Variants in SYT11 observed in about 807,000 individuals in gnomAD.
SYT11 encodes the protein synaptotagmin 11.
In SYT11, 12 loss-of-function variants were observed where a neutral mutation model predicts 30.4. The observed-to-expected ratio is 0.39, with a 90% CI of 0.25 to 0.64. SYT11 has a LOEUF of 0.64. Among genes scored for constraint, SYT11 ranks in the 30% least tolerant of loss-of-function variants. SYT11 has a pLI of 0.45. For synonymous variants in SYT11, 204 were observed against 216.0 expected (o/e 0.94, Z 0.49); for missense variants, 412 against 552.0 (o/e 0.75, Z 2.54).
At chr1:155,880,367 A>G in intron 2 of SYT11, 133 bp from the exon 3 acceptor site, 2 of 957,152 alleles carry the variant, frequency 2.1e-6, no homozygotes, top group Non-Finnish European at 3.0e-6. Context: ...TTTCCAGGGG[A>G]TGAGCATCTT....
rs1672991855 is a variant in SYT11 at position 155,882,233 on chromosome 1, T to C, written c.*725T>C. 1.3e-5 allele frequency: 2 copies of C among 152,436 alleles called. No homozygotes were observed. Among genetic ancestry groups the C allele is most frequent in the South Asian group, 4.1e-4 (2 of 4,828 alleles). The allele number at this position is 152,436 out of a possible 1,614,324, so 9.4% of individuals were successfully genotyped here. On this transcript the variant is annotated 3_prime_UTR_variant, in exon 4 of 4. Transcript: ENST00000368324. ...ATTGTATTTGCTGATTACCTGAAAT[T>C]GGCTTCTTTTTATTGGGCTTCTCTG...
intron 3 of SYT11, 108 bp from the exon 4 acceptor site, chr1:155,881,090 G>T: frequency 8.4e-7 from 1 of 1,196,362 alleles, no homozygotes; most frequent in South Asian, 1.5e-5. Flanking sequence ...GGCCATCAAA[G>T]ATACGAACAA....
intron 1 of SYT11, 95 bp from the exon 2 acceptor site, chr1:155,867,870 G>A: frequency 1.0e-6 from 1 of 971,170 alleles, no homozygotes; most frequent in African/African-American, 1.6e-5. Flanking sequence ...CTAGATTGAA[G>A]ATTAGCTTGG....
chr1:155,862,159 A>C (rs1308019150), intron 1 of SYT11, among the ~76,000 whole-genome samples: 1 of 152,196 alleles, frequency 6.6e-6, no homozygotes, highest in Non-Finnish European at 1.5e-5. Context: ...CATCTCATAG[A>C]GTACTTCATT....
chr1:155,864,383 AT>A (rs1672636320), intron 1 of SYT11, among the ~76,000 whole-genome samples: 1 of 152,244 alleles, frequency 6.6e-6, no homozygotes, highest in African/African-American at 2.4e-5. Context: ...TGCAGATGAA[AT>A]TATACCTGCC....
intron 2 of SYT11, among the ~76,000 whole-genome samples, chr1:155,869,341 G>A (rs1166901860): frequency 7.9e-6 from 1 of 125,900 alleles, no homozygotes; most frequent in Admixed American, 1.1e-4. Context: ...CGCAATCTCA[G>A]CTCATTGCAA....
chr1:155,868,246 C>G lies in SYT11; in HGVS notation c.316C>G (p.Arg106Gly). ...CGCAGCAGAGGCTGGCCTGCTAAGC[C>G]GAGACAAAGATCCCAGGGGGCCTAG... Reference protein sequence around the residue: ...VDAAEAGLLSRDKDPRGPSSG... With the variant: ...VDAAEAGLLSGDKDPRGPSSG... Residue 106 changes from arginine (R) to glycine (G), a missense_variant, in exon 2 of 4, where the codon CGA becomes GGA. Physicochemically the swap from Arg to Gly is moderately radical, Grantham distance 125. Transcript: ENST00000368324. The surrounding 1 kb of genome is among the most constrained non-coding windows in gnomAD (Gnocchi z 4.7). 6.2e-7 allele frequency: 1 copy of G among 1,613,972 alleles called. No individual in the cohort carries two copies. Among genetic ancestry groups the G allele is most frequent in the Non-Finnish European group, 8.5e-7 (1 of 1,179,990 alleles).
rs1672551887 is a variant in SYT11, at chr1:155,860,660, G to A, written c.34+865G>A. On this transcript the variant is annotated intron_variant, in intron 1 of 3. Transcript: ENST00000368324. This position sits in a 1 kb window ranked among gnomAD's most constrained non-coding sequence, Gnocchi z 4.1. The stretch of plus-strand genomic sequence containing the variant: ...CCCGGGGGAGGCCGCTTTGTGTACC[G>A]CAGAAAGCATTACGTCATTTCAGAG... 6.6e-6 allele frequency among the ~76,000 whole-genome samples: 1 copy of A among 152,204 alleles called. No individual in the cohort carries two copies. Among genetic ancestry groups the A allele is most frequent in the Admixed American group, 6.5e-5 (1 of 15,284 alleles).
chr1:155,865,568 C>T (rs941181819), intron 1 of SYT11, among the ~76,000 whole-genome samples: 4 of 149,778 alleles, frequency 2.7e-5, no homozygotes, highest in African/African-American at 7.4e-5. Flanking sequence ...GCGGAGGTTG[C>T]GGTGAGCCGT....
rs1355633081 is a variant in SYT11, at chr1:155,881,291, A to G, written c.1079A>G (p.Asn360Ser). The change falls in exon 4 of 4, where the codon AAT becomes AGT. Residue 360 changes from asparagine to serine, a missense_variant. Transcript: ENST00000368324. ...AAGTGCACTTTGAACCCCATCTTCA[A>G]TGAATCTTTCATCTACGACATCCCC... ...VKKCTLNPIFNESFIYDIPTD... is the reference protein window; with the variant it reads ...VKKCTLNPIFSESFIYDIPTD... 1 of 1,614,200 alleles carries G rather than the reference A, an allele frequency of 6.2e-7. No individual in the cohort carries two copies. Among genetic ancestry groups the G allele is most frequent in the Admixed American group, 1.7e-5 (1 of 60,016 alleles).
chr1:155,868,647 C>T lies in SYT11; in HGVS notation c.717C>T (p.Asp239=). 6.2e-7 allele frequency: 1 copy of T among 1,614,214 alleles called. No homozygotes were observed. Reference sequence around the variant, plus strand: ...GCATCCCCTACAGCCAGCTGCAGGACCTGGTGCTGCACTTCCTTGTCCTCA... The same window carrying T: ...GCATCCCCTACAGCCAGCTGCAGGATCTGGTGCTGCACTTCCTTGTCCTCA... The part of the protein sequence containing the change: ...FYGIPYSQLQ[D]LVLHFLVLSF... The change falls in exon 2 of 4, where the codon GAC becomes GAT. Residue 239 remains aspartate, a synonymous_variant. Coordinates refer to ENST00000368324, the MANE Select transcript of SYT11 (RefSeq NM_152280.5). The surrounding 1 kb of genome is among the most constrained non-coding windows in gnomAD (Gnocchi z 4.7).
chr1:155,868,855 A>T lies in SYT11; in HGVS notation c.861+64A>T. 1 of 1,486,134 alleles carries T rather than the reference A, an allele frequency of 6.7e-7. No individual in the cohort carries two copies. 92.1% of individuals were successfully genotyped at this position (1,486,134 alleles called of 1,614,324 possible). ...GGGGGAGAAAATATCTCAGGGGATAAATGGAAGTGGGAGGGGAGTGGGTTG... is the reference window on the plus strand; with the variant it reads ...GGGGGAGAAAATATCTCAGGGGATATATGGAAGTGGGAGGGGAGTGGGTTG... On this transcript the variant is annotated intron_variant, in intron 2 of 3. Transcript: ENST00000368324. The surrounding 1 kb of genome is among the most constrained non-coding windows in gnomAD (Gnocchi z 4.7).
intron 2 of SYT11, among the ~76,000 whole-genome samples, chr1:155,872,551 G>C (rs1356483700): frequency 6.6e-6 from 1 of 152,144 alleles, no homozygotes; most frequent in African/African-American, 2.4e-5. Flanking sequence ...TCAGAGAGCC[G>C]AGCCCCGCAG....
At position 155,866,793 on chromosome 1, in the gene SYT11, A is replaced by G. The variant is rs1571973370; in HGVS notation, c.35-1172A>G. Reference sequence around the variant, plus strand: ...TTTGAGCAGAGATCTGACATTTTCCACTAATAGGGAAGAAAACCCCTATTT... The same window carrying G: ...TTTGAGCAGAGATCTGACATTTTCCGCTAATAGGGAAGAAAACCCCTATTT... On this transcript the variant is annotated intron_variant, in intron 1 of 3. Transcript: ENST00000368324. Among the ~76,000 whole-genome samples the G allele has an allele frequency of 1.3e-5, 2 of 152,136 alleles. 1 individual carries two copies. The highest frequency in any genetic ancestry group is 4.1e-4 in the South Asian group (2 of 4,822).
chr1:155,871,535 T>C (rs1672781125), intron 2 of SYT11, among the ~76,000 whole-genome samples: 1 of 152,226 alleles, frequency 6.6e-6, no homozygotes, highest in South Asian at 2.1e-4. Flanking sequence ...TGAAAGGGAC[T>C]GATTTGGGCT....
At chr1:155,874,337 C>T (rs546645663) in intron 2 of SYT11, among the ~76,000 whole-genome samples, 1 of 152,192 alleles carries the variant, frequency 6.6e-6, no homozygotes, top group African/African-American at 2.4e-5. Context: ...TGGTGGCTCA[C>T]ACCTGTATTC....
chr1:155,870,160 A>G (rs1397826344), intron 2 of SYT11, among the ~76,000 whole-genome samples: 1 of 152,240 alleles, frequency 6.6e-6, no homozygotes, highest in Admixed American at 6.5e-5. Flanking sequence ...TTTTAAACTT[A>G]GAGTTTCATG....
In SYT11 at chr1:155,884,179, C is replaced by T. The variant is rs1340732757; in HGVS notation, c.*2671C>T. 1 of 152,702 alleles carries T rather than the reference C, an allele frequency of 6.5e-6. No individual in the cohort carries two copies. Among genetic ancestry groups the T allele is most frequent in the African/African-American group, 2.4e-5 (1 of 41,418 alleles). 9.5% of individuals were successfully genotyped at this position (152,702 alleles called of 1,614,324 possible). On this transcript the variant is annotated 3_prime_UTR_variant, in exon 4 of 4. Coordinates refer to ENST00000368324, the MANE Select transcript of SYT11 (RefSeq NM_152280.5). The stretch of plus-strand genomic sequence containing the variant: ...GAGCAAACCCGCTTTTGTTTCCTTC[C>T]CAGAAACAATGCAAAACAACAGGTG...
intron 1 of SYT11, 89 bp from the exon 2 acceptor site, chr1:155,867,876 C>G: frequency 9.9e-7 from 1 of 1,012,104 alleles, no homozygotes; most frequent in Admixed American, 2.6e-5. Context: ...TGAAGATTAG[C>G]TTGGCTCCAG....
Sources: allele counts gnomAD v4.1 joint callset (sites outside exome capture counted in the v4.1 genomes callset), GRCh38; gene constraint gnomAD v4.1.1; non-coding constraint Gnocchi (gnomAD v3.1); transcripts MANE v1.5; gene names NCBI Gene and HGNC (gene_info 2026-07-23, HGNC 2026-07-21).